The following DPYD variants were observed in gnomAD, a reference collection of about 807,000 sequenced individuals.
DPYD encodes the protein dihydropyrimidine dehydrogenase.
In DPYD, 109 loss-of-function variants were observed where a neutral mutation model predicts 116.2. The ratio of observed to expected loss-of-function variants is 0.94; its 90% CI spans 0.80 to 1.10. The LOEUF is 1.10. DPYD is among the 50% of genes least tolerant of loss of function. DPYD has a pLI of 0.00. For synonymous variants in DPYD, 440 were observed against 432.0 expected (o/e 1.02, Z -0.23); for missense variants, 1,302 against 1,254.5 (o/e 1.04, Z -0.57).
At chr1:97,347,024 A>T (rs1309714705) in intron 16 of DPYD, among the ~76,000 whole-genome samples, 6 of 151,664 alleles carry the variant, frequency 4.0e-5, no homozygotes, top group Non-Finnish European at 8.8e-5. Context: ...TCTTTTGGAT[A>T]TTTTTTATAG....
chr1:97,471,066 G>T (rs951675480), intron 13 of DPYD, among the ~76,000 whole-genome samples: 7 of 152,168 alleles, frequency 4.6e-5, no homozygotes, highest in African/African-American at 1.4e-4. Context: ...GCTGGAGATT[G>T]TGAGTGCAGA....
chr1:97,585,445 G>T (rs1241608118), intron 10 of DPYD, among the ~76,000 whole-genome samples: 3 of 152,144 alleles, frequency 2.0e-5, no homozygotes, highest in Non-Finnish European at 4.4e-5. Flanking sequence ...AAGACTTTAT[G>T]ATGACAGGGG....
chr1:97,666,240 A>G (rs563107807), intron 8 of DPYD, among the ~76,000 whole-genome samples: 1 of 152,172 alleles, frequency 6.6e-6, no homozygotes, highest in East Asian at 1.9e-4. Flanking sequence ...TGGCACAATC[A>G]CGGCTCATTG....
intron 14 of DPYD, among the ~76,000 whole-genome samples, chr1:97,411,625 C>T (rs1183025144): frequency 6.6e-6 from 1 of 152,098 alleles, no homozygotes; most frequent in African/African-American, 2.4e-5. Flanking sequence ...ACTCATAAAT[C>T]ATTCCTTTGC....
At chr1:97,728,304 C>T (rs540203443) in intron 4 of DPYD, among the ~76,000 whole-genome samples, 20 of 152,140 alleles carry the variant, frequency 1.3e-4, no homozygotes, top group Non-Finnish European at 2.4e-4. Flanking sequence ...GTATTTAAAG[C>T]ATGTCTATAG....
In DPYD at chr1:97,884,015, T is replaced by G. The variant is rs985199658; in HGVS notation, c.40-641A>C. On this transcript the variant is annotated intron_variant, in intron 1 of 22. Coordinates refer to ENST00000370192, the MANE Select transcript of DPYD (RefSeq NM_000110.4). ...GAAGATATACTTGTCTTAGAAAAAA[T>G]CTAATAATGTTATCATTGATATAAT... 1.4e-5 allele frequency: 4 copies of G among 284,104 alleles called. No homozygotes were observed. The Admixed American group carries it at 2.1e-4, about 15-fold the overall frequency. 17.6% of individuals were successfully genotyped at this position (284,104 alleles called of 1,614,324 possible).
At chr1:97,637,077 T>C (rs1657610143) in intron 8 of DPYD, among the ~76,000 whole-genome samples, 1 of 152,148 alleles carries the variant, frequency 6.6e-6, no homozygotes, top group African/African-American at 2.4e-5. Flanking sequence ...CAGAAACTTC[T>C]GGGAAATGAG....
chr1:97,920,932 T>C lies in DPYD; in HGVS notation c.-10A>G. ...TGAGCACAGGGGCCATGGCAGTGCC[T>C]ACAGTCTCGAGTCTGCCAGTGACAA... On this transcript the variant is annotated 5_prime_UTR_variant, in exon 1 of 23. Coordinates refer to ENST00000370192, the MANE Select transcript of DPYD (RefSeq NM_000110.4). 6.3e-7 allele frequency: 1 copy of C among 1,583,226 alleles called. No homozygotes were observed. The highest frequency in any genetic ancestry group is 8.6e-7 in the Non-Finnish European group (1 of 1,165,130).
At chr1:97,809,735 G>C (rs1418150460) in intron 3 of DPYD, among the ~76,000 whole-genome samples, 1 of 152,140 alleles carries the variant, frequency 6.6e-6, no homozygotes, top group African/African-American at 2.4e-5. Flanking sequence ...GTAGGTGACT[G>C]GGTTAAGGTG....
chr1:97,903,661 T>C (rs958712669), intron 1 of DPYD, among the ~76,000 whole-genome samples: 1 of 151,968 alleles, frequency 6.6e-6, no homozygotes, highest in African/African-American at 2.4e-5. Flanking sequence ...TTACAATTCA[T>C]CTTTTTTCAC....
intron 9 of DPYD, 98 bp from the exon 10 acceptor site, chr1:97,593,485 C>G: frequency 7.1e-7 from 1 of 1,411,618 alleles, no homozygotes; most frequent in Non-Finnish European, 9.9e-7. Context: ...AAAATTGCAT[C>G]TTGCAGTTTT....
chr1:97,458,407 A>AT (rs1352621696), intron 13 of DPYD, among the ~76,000 whole-genome samples: 4 of 152,224 alleles, frequency 2.6e-5, no homozygotes, highest in African/African-American at 7.2e-5. Flanking sequence ...ACAGGATATG[A>AT]TTTTTTCTAA....
chr1:97,256,264 A>T (rs1663455445), intron 18 of DPYD, among the ~76,000 whole-genome samples: 1 of 152,074 alleles, frequency 6.6e-6, no homozygotes, highest in African/African-American at 2.4e-5. Context: ...AATGCTGTAT[A>T]GCTCCCAAGC....
intron 2 of DPYD, among the ~76,000 whole-genome samples, chr1:97,852,643 G>A (rs1270491694): frequency 2.6e-5 from 4 of 151,858 alleles, no homozygotes; most frequent in Non-Finnish European, 4.4e-5. Context: ...ACTATTTTTC[G>A]TCTTACTCAA....
chr1:97,475,123 G>A (rs566767134), intron 13 of DPYD, among the ~76,000 whole-genome samples: 3 of 152,098 alleles, frequency 2.0e-5, no homozygotes, highest in Non-Finnish European at 2.9e-5. Context: ...GGCAATGATT[G>A]CGGCATCATT....
intron 16 of DPYD, among the ~76,000 whole-genome samples, chr1:97,361,402 T>A (rs962048979): frequency 1.3e-5 from 2 of 152,230 alleles, no homozygotes; most frequent in African/African-American, 4.8e-5. Context: ...CCATTCCTTC[T>A]GAAACTATTC....
At chr1:97,599,998 T>A (rs1557828907) in intron 8 of DPYD, among the ~76,000 whole-genome samples, 1 of 150,194 alleles carries the variant, frequency 6.7e-6, no homozygotes, top group Non-Finnish European at 1.5e-5. Flanking sequence ...TGAGCTGAGA[T>A]CGCACCACTG....
At chr1:97,411,305 T>C (rs1218021346) in intron 14 of DPYD, among the ~76,000 whole-genome samples, 1 of 152,210 alleles carries the variant, frequency 6.6e-6, no homozygotes, top group East Asian at 1.9e-4. Flanking sequence ...AAGCTAATGA[T>C]CCTGTGTACT....
chr1:97,478,905 T>C (rs1010458021), intron 13 of DPYD, among the ~76,000 whole-genome samples: 5 of 152,216 alleles, frequency 3.3e-5, no homozygotes, highest in Non-Finnish European at 7.3e-5. Flanking sequence ...TATGGAGATC[T>C]CTTCTTTCCT....
Sources: allele counts gnomAD v4.1 joint callset (sites outside exome capture counted in the v4.1 genomes callset), GRCh38; gene constraint gnomAD v4.1.1; transcripts MANE v1.5; gene names NCBI Gene and HGNC (gene_info 2026-07-23, HGNC 2026-07-21).